The following SLIT2 variants were observed in gnomAD, a reference collection of about 807,000 sequenced individuals.
SLIT2 encodes slit guidance ligand 2.
A neutral mutation model predicts 185.7 loss-of-function variants in SLIT2; 41 were observed. The observed-to-expected ratio is 0.22, with a 90% CI of 0.17 to 0.29. The LOEUF is 0.29. Ranked by LOEUF, SLIT2 falls within the 10% of genes least tolerant of loss-of-function variation. The probability of loss-of-function intolerance (pLI) is 1.00; values close to 1 mark genes in which losing one functional copy is unlikely to be tolerated. For missense variants in SLIT2, 1,571 were observed against 1,909.0 expected, an observed-to-expected ratio of 0.82 and a Z score of 3.30; for synonymous variants, 693 against 680.2, an observed-to-expected ratio of 1.02 and a Z score of -0.29.
chr4:20,586,291 G>A (rs1727054297), intron 29 of SLIT2, among the ~76,000 whole-genome samples: 1 of 152,186 alleles, frequency 6.6e-6, no homozygotes, highest in African/African-American at 2.4e-5. Flanking sequence ...TACTAATCAT[G>A]AGTGAGTAAT....
At chr4:20,469,431 A>T (rs1227657397) in intron 5 of SLIT2, among the ~76,000 whole-genome samples, 1 of 152,184 alleles carries the variant, frequency 6.6e-6, no homozygotes, top group African/African-American at 2.4e-5. Context: ...CCAGTCAGTC[A>T]TGATAGAATT....
chr4:20,361,434 G>T (rs2109294592), intron 4 of SLIT2, among the ~76,000 whole-genome samples: 1 of 152,194 alleles, frequency 6.6e-6, no homozygotes, highest in East Asian at 1.9e-4. Flanking sequence ...TAAAATATTA[G>T]ATTTCAGGAT....
chr4:20,394,801 A>G (rs1577570067), intron 4 of SLIT2: 1 of 152,140 alleles, frequency 6.6e-6, no homozygotes, highest in East Asian at 1.9e-4. Context: ...TCATTATGCC[A>G]TTCTATCATT....
chr4:20,484,004 A>C lies in SLIT2; in HGVS notation c.540-2196A>C, dbSNP rs1716966878. ...TTCTTTCCAGCATCAGTACAGAATA[A>C]AATACTAAGATAATGTATTCCTTTA... On this transcript the variant is annotated intron_variant, in intron 6 of 36. Transcript: ENST00000504154. The surrounding 1 kb of genome is among the most constrained non-coding windows in gnomAD (Gnocchi z 4.3). 6.6e-6 allele frequency among the ~76,000 whole-genome samples: 1 copy of C among 152,086 alleles called. No individual in the cohort carries two copies.
intron 17 of SLIT2, among the ~76,000 whole-genome samples, chr4:20,532,377 T>C (rs1306302442): frequency 2.2e-5 from 3 of 139,344 alleles, no homozygotes; most frequent in African/African-American, 8.0e-5. Flanking sequence ...CCTTTACTAT[T>C]CCCCAAACCA....
intron 5 of SLIT2, among the ~76,000 whole-genome samples, chr4:20,476,036 C>G (rs1262732067): frequency 6.6e-6 from 1 of 152,122 alleles, no homozygotes; most frequent in Non-Finnish European, 1.5e-5. Flanking sequence ...GCTTTCTTTA[C>G]CAGTTTTGAA....
chr4:20,322,398 G>T (rs1164732868), intron 4 of SLIT2, among the ~76,000 whole-genome samples: 1 of 152,136 alleles, frequency 6.6e-6, no homozygotes, highest in Middle Eastern at 3.2e-3. Flanking sequence ...ACAACTCGAA[G>T]TGGGGAGGGG....
chr4:20,292,848 A>G (rs936197738), intron 4 of SLIT2, among the ~76,000 whole-genome samples: 7 of 152,204 alleles, frequency 4.6e-5, no homozygotes, highest in Non-Finnish European at 7.3e-5. Flanking sequence ...GTAATGATAC[A>G]GTGATAATGT....
intron 4 of SLIT2, among the ~76,000 whole-genome samples, chr4:20,339,925 A>G (rs1259159238): frequency 1.3e-5 from 2 of 152,188 alleles, no homozygotes; most frequent in African/African-American, 2.4e-5. Flanking sequence ...CACATTGTCA[A>G]ATTAATCTAA....
At chr4:20,327,711 T>C (rs939536865) in intron 4 of SLIT2, among the ~76,000 whole-genome samples, 1 of 152,142 alleles carries the variant, frequency 6.6e-6, no homozygotes, top group South Asian at 2.1e-4. Context: ...ATAAATATTA[T>C]AGATATATTT....
chr4:20,375,073 T>G (rs1166458347), intron 4 of SLIT2, among the ~76,000 whole-genome samples: 2 of 152,100 alleles, frequency 1.3e-5, no homozygotes, highest in Non-Finnish European at 2.9e-5. Context: ...ACATGACGTG[T>G]GTATGTGTAT....
chr4:20,616,860 G>A (rs1464966095), intron 34 of SLIT2, 50 bp from the exon 35 acceptor site: 4 of 1,529,462 alleles, frequency 2.6e-6, no homozygotes, highest in Non-Finnish European at 3.5e-6. Context: ...GTAGCAAATG[G>A]CTCAGAAATC....
At chr4:20,255,591 T>G (rs1049099515) in intron 1 of SLIT2, among the ~76,000 whole-genome samples, 1 of 152,184 alleles carries the variant, frequency 6.6e-6, no homozygotes, top group African/African-American at 2.4e-5. Flanking sequence ...GTTTTAGCAC[T>G]TGTCATTTCA....
At chr4:20,613,581 A>G (rs549177234) in intron 34 of SLIT2, among the ~76,000 whole-genome samples, 1 of 152,132 alleles carries the variant, frequency 6.6e-6, no homozygotes, top group Admixed American at 6.5e-5. Flanking sequence ...TGGGTGCTGA[A>G]ATAGTCCGTA....
At chr4:20,330,402 T>C (rs1719963336) in intron 4 of SLIT2, among the ~76,000 whole-genome samples, 1 of 152,014 alleles carries the variant, frequency 6.6e-6, no homozygotes, top group Non-Finnish European at 1.5e-5. Context: ...ATGTGGTCGG[T>C]GTTAGACTAG....
intron 10 of SLIT2, 49 bp downstream of exon 10, chr4:20,510,615 G>T: frequency 8.5e-7 from 1 of 1,176,904 alleles, no homozygotes; most frequent in Non-Finnish European, 1.3e-6. Context: ...AATTATAGAG[G>T]TCATGAGACC....
chr4:20,345,680 C>T (rs571823635), intron 4 of SLIT2, among the ~76,000 whole-genome samples: 114 of 124,288 alleles, frequency 9.2e-4, no homozygotes, highest in Non-Finnish European at 2.9e-4. Context: ...GGACTACAGG[C>T]ACACACCACC....
chr4:20,383,989 A>T lies in SLIT2; in HGVS notation c.396-83763A>T, dbSNP rs147540959. On this transcript the variant is annotated intron_variant, in intron 4 of 36. Coordinates refer to ENST00000504154, the MANE Select transcript of SLIT2 (RefSeq NM_004787.4). Reference sequence around the variant, plus strand: ...CCAAAGTGCTGGGATTACTGGCATGATCCATCACACCCAGCCAGTGTTCCT... The same window carrying T: ...CCAAAGTGCTGGGATTACTGGCATGTTCCATCACACCCAGCCAGTGTTCCT... Among the ~76,000 whole-genome samples the T allele has an allele frequency of 9.3e-4, 141 of 152,218 alleles. 1 individual carries two copies. Among genetic ancestry groups the T allele is most frequent in the African/African-American group, 3.2e-3 (131 of 41,552 alleles).
chr4:20,490,290 A>G (rs1717665941), intron 8 of SLIT2, among the ~76,000 whole-genome samples: 2 of 152,118 alleles, frequency 1.3e-5, no homozygotes. Context: ...TGGAGATTCA[A>G]ATGCTGTGAA....
Sources: allele counts gnomAD v4.1 joint callset (sites outside exome capture counted in the v4.1 genomes callset), GRCh38; gene constraint gnomAD v4.1.1; non-coding constraint Gnocchi (gnomAD v3.1); transcripts MANE v1.5; gene names NCBI Gene and HGNC (gene_info 2026-07-23, HGNC 2026-07-21).